ATM: variants seen among roughly 807,000 people sequenced by gnomAD.
ATM encodes ATM serine/threonine kinase.
ATM carries 308 observed loss-of-function variants against 387.0 expected under a neutral mutation model. That is an observed-to-expected ratio of 0.80 (90% confidence interval 0.73 to 0.87). The LOEUF (loss-of-function observed/expected upper bound fraction) is 0.87, where lower values mean the gene tolerates loss of function less well. Among genes scored for constraint, ATM ranks in the 40% least tolerant of loss-of-function variants. The pLI is 0.00. For synonymous variants in ATM, 1,156 were observed against 1,187.3 expected (o/e 0.97, Z 0.54); for missense variants, 3,312 against 3,560.9 (o/e 0.93, Z 1.78).
intron 7 of ATM, among the ~76,000 whole-genome samples, chr11:108,246,712 T>A (rs2079863191): frequency 6.6e-6 from 1 of 152,180 alleles, no homozygotes; most frequent in Non-Finnish European, 1.5e-5. Context: ...GAGAATAAAT[T>A]GGAGAAAGAC....
At chr11:108,317,003 A>T (rs1030155212) in intron 42 of ATM, among the ~76,000 whole-genome samples, 5 of 151,466 alleles carry the variant, frequency 3.3e-5, no homozygotes, top group Non-Finnish European at 7.4e-5. Flanking sequence ...GCGTGATCAT[A>T]GTTCACTGCA....
rs893198517 is a variant in ATM, at chr11:108,266,789, A to ATT, written c.2467-361_2467-360dup. 7.3e-3 allele frequency among the ~76,000 whole-genome samples: 970 copies of ATT among 132,524 alleles called. 22 individuals are homozygous for ATT. The highest frequency in any genetic ancestry group is 0.022 in the African/African-American group (755 of 34,340). 86.9% of individuals were successfully genotyped at this position (132,524 alleles called of 152,430 possible). ...AACCTTGAATTGTTTGATTAGGTAAATTTTTTTTTTTTTTTTTTTTTTGAG... is the reference window on the plus strand; with the variant it reads ...AACCTTGAATTGTTTGATTAGGTAAATTTTTTTTTTTTTTTTTTTTTTTTGAG... On this transcript the variant is annotated intron_variant, in intron 16 of 62. Coordinates refer to ENST00000675843, the MANE Select transcript of ATM (RefSeq NM_000051.4).
Position 108,253,878 on chromosome 11 carries a change from A to T in ATM, c.1963A>T (p.Thr655Ser), listed in dbSNP as rs2135367651. 6.2e-7 allele frequency: 1 copy of T among 1,614,078 alleles called. No individual in the cohort carries two copies. Among genetic ancestry groups the T allele is most frequent in the South Asian group, 1.1e-5 (1 of 91,078 alleles). ...FSEVEELFLQ[T>S]TFDKMDFLTI... ...AGAAGTAGAAGAACTATTTCTTCAG[A>T]CAACTTTTGACAAGATGGACTTTTT... The change falls in exon 13 of 63, where the codon ACA becomes TCA. Residue 655 changes from threonine to serine, a missense_variant. Around this residue, in one of 4 missense-constraint regions of ATM, gnomAD observed 1,791 missense variants for 1,804.5 expected, o/e 0.99. Coordinates refer to ENST00000675843, the MANE Select transcript of ATM (RefSeq NM_000051.4).
At chr11:108,320,586 T>C (rs1188746584) in intron 44 of ATM, among the ~76,000 whole-genome samples, 1 of 152,230 alleles carries the variant, frequency 6.6e-6, no homozygotes, top group Non-Finnish European at 1.5e-5. Context: ...TCATATGTAT[T>C]CTCTAATCAT....
Position 108,317,431 on chromosome 11 carries a change from A to G in ATM, c.6257A>G (p.Tyr2086Cys), listed in dbSNP as rs730881380. 1.2e-6 allele frequency: 2 copies of G among 1,612,488 alleles called. No homozygotes were observed. The highest frequency in any genetic ancestry group is 1.1e-5 in the South Asian group (1 of 91,062). Reference protein sequence around the residue: ...ILSVYLKGLDYENKDWCPELE... With the variant: ...ILSVYLKGLDCENKDWCPELE... Reference sequence around the variant, plus strand: ...TCCGTCTATTTAAAAGGATTGGATTATGAAAATAAAGACTGGTGTCCTGAA... The same window carrying G: ...TCCGTCTATTTAAAAGGATTGGATTGTGAAAATAAAGACTGGTGTCCTGAA... Residue 2086 changes from tyrosine (Y) to cysteine (C), a missense_variant, in exon 43 of 63, where the codon TAT becomes TGT. By Grantham distance (194) the Tyr-to-Cys change is radical (BLOSUM62 -2). This residue lies in a region of ATM where 1,405 missense variants were observed against 1,604.4 expected (regional missense o/e 0.88). Coordinates refer to ENST00000675843, the MANE Select transcript of ATM (RefSeq NM_000051.4).
At chr11:108,295,194 A>C in intron 32 of ATM, 135 bp downstream of exon 32, 78 of 1,180,388 alleles carry the variant, frequency 6.6e-5, no homozygotes, top group Middle Eastern at 2.1e-4. Flanking sequence ...CTCATTTCTC[A>C]TCTAACTGTA....
chr11:108,281,614 A>C (rs1336892139), intron 24 of ATM, among the ~76,000 whole-genome samples: 3 of 152,228 alleles, frequency 2.0e-5, no homozygotes, highest in Non-Finnish European at 2.9e-5. Flanking sequence ...TCCAAGCCTT[A>C]TAATTACTAC....
intron 48 of ATM, among the ~76,000 whole-genome samples, chr11:108,328,717 C>T (rs1049304493): frequency 3.9e-5 from 6 of 152,120 alleles, no homozygotes; most frequent in East Asian, 3.8e-4. Context: ...AGAAGAATTG[C>T]CTTGGGCCAC....
At chr11:108,244,417 C>G (rs923352220) in intron 6 of ATM, among the ~76,000 whole-genome samples, 6 of 151,618 alleles carry the variant, frequency 4.0e-5, no homozygotes, top group Non-Finnish European at 8.8e-5. Context: ...TTTAATATAC[C>G]GAGAATAAAA....
chr11:108,224,434 A>C (rs539710531), intron 1 of ATM: 5 of 152,342 alleles, frequency 3.3e-5, no homozygotes, highest in Admixed American at 2.6e-4. Context: ...GAAGTAGGAA[A>C]TCCTTATCTT....
intron 3 of ATM, 121 bp downstream of exon 3, chr11:108,228,009 C>T (rs4987898): frequency 1.3e-6 from 1 of 797,066 alleles, no homozygotes; most frequent in East Asian, 2.7e-5. Context: ...ATCATTATGC[C>T]TTGCATATGA....
rs768728897 is a variant in ATM at position 108,368,228 on chromosome 11, T to TTTAGTAGAGACAGG, written c.*2721_*2734dup. The TTTAGTAGAGACAGG allele has an allele frequency of 4.8e-6, 1 of 208,044 alleles. No individual in the cohort carries two copies. The highest frequency in any genetic ancestry group is 9.8e-6 in the Non-Finnish European group (1 of 102,478). The allele number at this position is 208,044 out of a possible 1,614,324, so 12.9% of individuals were successfully genotyped here. On this transcript the variant is annotated 3_prime_UTR_variant, in exon 63 of 63. Coordinates refer to ENST00000675843, the MANE Select transcript of ATM (RefSeq NM_000051.4). Reference sequence around the variant, plus strand: ...TTATAAAAGATTTTTTTTTTGTAATTTTAGTAGAGACAGGGTTGCCATTGT... The same window carrying TTTAGTAGAGACAGG: ...TTATAAAAGATTTTTTTTTTGTAATTTTAGTAGAGACAGGTTAGTAGAGACAGGGTTGCCATTGT...
rs747448699 is a variant in ATM, at chr11:108,333,915, A to G, written c.7957A>G (p.Ile2653Val). Residue 2653 changes from isoleucine to valine, a missense_variant, in exon 54 of 63, where the codon ATT becomes GTT. This residue lies in a region of ATM where 1,405 missense variants were observed against 1,604.4 expected (regional missense o/e 0.88). Coordinates refer to ENST00000675843, the MANE Select transcript of ATM (RefSeq NM_000051.4). The part of the protein sequence containing the change: ...KGINIPADQP[I>V]TKLKNLEDVV... The stretch of plus-strand genomic sequence containing the variant: ...CATAAATATTCCAGCAGACCAGCCA[A>G]TTACTAAACTTAAGAATTTAGAAGA... 3 of 1,611,346 alleles carry G rather than the reference A, an allele frequency of 1.9e-6. No individual in the cohort carries two copies. The highest frequency in any genetic ancestry group is 2.5e-6 in the Non-Finnish European group (3 of 1,177,478).
At position 108,315,273 on chromosome 11, in the gene ATM, G is replaced by A. The variant is rs1024038165; in HGVS notation, c.6007-550G>A. ...ATTATTACAATAGTACAATATGTAC[G>A]ATAGTTAATCTTATGCAATTATGAT... On this transcript the variant is annotated intron_variant, in intron 40 of 62. Transcript: ENST00000675843. Among the ~76,000 whole-genome samples, 8 of 152,278 alleles carry A rather than the reference G, an allele frequency of 5.3e-5. No individual in the cohort carries two copies. In the South Asian group the frequency reaches 6.2e-4, roughly 12 times the overall value.
rs1290222131 is a variant in ATM at position 108,244,920 on chromosome 11, T to A, written c.795T>A (p.Ile265=). 1.9e-6 allele frequency: 3 copies of A among 1,613,630 alleles called. No homozygotes were observed. The East Asian group carries it at 6.7e-5, about 36-fold the overall frequency. ...GDEILPTLLY[I]WTQHRLNDSL... ...AAATTCTTCCCACTTTGCTTTATAT[T>A]TGGACTCAACATAGGCTTAATGATT... is the stretch of plus-strand genomic sequence containing the variant. The change falls in exon 7 of 63, where the codon ATT becomes ATA. Residue 265 remains isoleucine (I), a synonymous_variant. Transcript: ENST00000675843.
intron 59 of ATM, among the ~76,000 whole-genome samples, chr11:108,350,827 A>G (rs900260500): frequency 1.3e-5 from 2 of 152,182 alleles, no homozygotes; most frequent in African/African-American, 2.4e-5. Context: ...TGCTAAAAGC[A>G]TCTATAAATG....
chr11:108,249,168 T>C, intron 9 of ATM, 66 bp downstream of exon 9: 1 of 1,572,918 alleles, frequency 6.4e-7, no homozygotes, highest in Non-Finnish European at 8.7e-7. Context: ...TTCAGAAAAC[T>C]TTCAGTGGAA....
rs1029556621 is a variant in ATM at position 108,336,278 on chromosome 11, C to G, written c.8268+317C>G. ...TCAAACTCTGCAGTGAGCCCCAGTC[C>G]AGCCTGAGCAACACAGCAAGATCCC... is the stretch of plus-strand genomic sequence containing the variant. On this transcript the variant is annotated intron_variant, in intron 56 of 62. Transcript: ENST00000675843. The G allele has an allele frequency of 1.3e-4, 36 of 278,780 alleles. No homozygotes were observed. The Admixed American group carries it at 1.8e-3, about 14-fold the overall frequency. 17.3% of individuals were successfully genotyped at this position (278,780 alleles called of 1,614,324 possible).
At position 108,299,862 on chromosome 11, in the gene ATM, GA is replaced by G. The variant is rs1591702951; in HGVS notation, c.5156del (p.Asn1719IlefsTer5). 6 of 1,613,718 alleles carry G rather than the reference GA, an allele frequency of 3.7e-6. No homozygotes were observed. The highest frequency in any genetic ancestry group is 5.1e-6 in the Non-Finnish European group (6 of 1,179,832). On this transcript the variant is annotated frameshift_variant, in exon 34 of 63. Coordinates refer to ENST00000675843, the MANE Select transcript of ATM (RefSeq NM_000051.4). LOFTEE classifies it high-confidence loss of function. Reference sequence around the variant, plus strand: ...GGACCTTCATAATGCTGACCTACCTGAATAACACACTGGTAGAAGATTGGTG... The same window carrying G: ...GGACCTTCATAATGCTGACCTACCTGATAACACACTGGTAGAAGATTGGTG... ...QWTFIMLTYLNNTLVEDCVKV... is the reference protein window; with the variant it reads ...QWTFIMLTYLXNTLVEDCVKV...
Sources: allele counts gnomAD v4.1 joint callset (sites outside exome capture counted in the v4.1 genomes callset), GRCh38; gene constraint gnomAD v4.1.1; regional missense constraint gnomAD v4.1.1; transcripts MANE v1.5; gene names NCBI Gene and HGNC (gene_info 2026-07-23, HGNC 2026-07-21).